Variants in ZNF33B observed in about 807,000 individuals in gnomAD.
ZNF33B encodes the protein zinc finger protein 33B.
In ZNF33B, 29 loss-of-function variants were observed where a neutral mutation model predicts 45.8. That is an observed-to-expected ratio of 0.63 (90% CI 0.47 to 0.86). ZNF33B has a LOEUF of 0.86. ZNF33B is among the 40% of genes least tolerant of loss of function. The pLI, the probability that ZNF33B is intolerant of heterozygous loss-of-function variation, is 0.00. For synonymous variants in ZNF33B, 305 were observed against 307.8 expected (o/e 0.99, Z 0.10); for missense variants, 831 against 909.9 (o/e 0.91, Z 1.12).
intron 4 of ZNF33B, 139 bp from the exon 5 acceptor site, chr10:42,594,838 C>A (rs1837330450): frequency 2.0e-6 from 2 of 1,002,470 alleles, no homozygotes. Context: ...ATTGCAAGTG[C>A]ATATTTTTTT....
chr10:42,598,805 GT>G lies in ZNF33B; in HGVS notation c.251-4107del, dbSNP rs375114047. ...ATACCACTGGTTTCTAATCACTAGT[GT>G]TTTTGAATTTATGTTCATGAAGGAC... On this transcript the variant is annotated intron_variant, in intron 4 of 4. Transcript: ENST00000359467. Among the ~76,000 whole-genome samples the G allele has an allele frequency of 2.3e-4, 35 of 152,282 alleles. 1 individual carries two copies. The highest frequency in any genetic ancestry group is 8.4e-4 in the African/African-American group (35 of 41,568).
At position 42,593,522 on chromosome 10, in the gene ZNF33B, T is replaced by C. The variant is rs754210026; in HGVS notation, c.1428A>G (p.Lys476=). 3 of 1,613,936 alleles carry C rather than the reference T, an allele frequency of 1.9e-6. No individual in the cohort carries two copies. The highest frequency in any genetic ancestry group is 1.7e-5 in the Admixed American group (1 of 59,994). The change falls in exon 5 of 5, where the codon AAA becomes AAG. Residue 476 remains lysine, a synonymous_variant. Transcript: ENST00000359467. ...TAAGATGTGACTTTTGACAAAAGGA[T>C]TTCCCACACTCAAGACATTCAAAAG... is the stretch of plus-strand genomic sequence containing the variant. ...EKPFECLECG[K]SFCQKSHLTQ...
At chr10:42,607,302 G>A (rs544612688) in intron 4 of ZNF33B, among the ~76,000 whole-genome samples, 6 of 139,274 alleles carry the variant, frequency 4.3e-5, no homozygotes, top group Non-Finnish European at 9.1e-5. Flanking sequence ...AAATTAAAAC[G>A]TTATACTAAA....
At position 42,611,312 on chromosome 10, in the gene ZNF33B, G is replaced by A. The variant is rs190529908; in HGVS notation, c.251-16613C>T. Among the ~76,000 whole-genome samples the A allele has an allele frequency of 1.5e-4, 23 of 152,126 alleles. No homozygotes were observed. The East Asian group carries it at 3.7e-3, about 24-fold the overall frequency. On this transcript the variant is annotated intron_variant, in intron 4 of 4. Coordinates refer to ENST00000359467, the MANE Select transcript of ZNF33B (RefSeq NM_006955.3). Reference sequence around the variant, plus strand: ...GCCAAGATCATGCCACTGCACTCCAGCCTGGGTGACGGAGTGAGACTCCGT... The same window carrying A: ...GCCAAGATCATGCCACTGCACTCCAACCTGGGTGACGGAGTGAGACTCCGT...
Position 42,590,047 on chromosome 10 carries a change from T to C in ZNF33B, c.*2566A>G, listed in dbSNP as rs572143163. 2.0e-5 allele frequency: 3 copies of C among 152,362 alleles called. No individual in the cohort carries two copies. The South Asian group carries it at 6.2e-4, about 32-fold the overall frequency. The allele number at this position is 152,362 out of a possible 1,614,324, so 9.4% of individuals were successfully genotyped here. ...AATGCTTTTTCTGTACCTATTGATA[T>C]GATCATATTTAATCTTTGAACTGCT... On this transcript the variant is annotated 3_prime_UTR_variant, in exon 5 of 5. Coordinates refer to ENST00000359467, the MANE Select transcript of ZNF33B (RefSeq NM_006955.3).
intron 1 of ZNF33B, among the ~76,000 whole-genome samples, chr10:42,584,066 C>A (rs1396786828): frequency 6.6e-6 from 1 of 152,204 alleles, no homozygotes; most frequent in East Asian, 1.9e-4. Flanking sequence ...TCTGTACCAG[C>A]CCTTCCTCCA....
chr10:42,583,620 A>G lies in ZNF33B; in HGVS notation c.74-8942T>C, dbSNP rs74137904. ...CCAGTATAGACCTTGCCCCTCAACT[A>G]ACCCCCAGGTGTGATAATCTAATAG... On this transcript the variant is annotated intron_variant, in intron 1 of 1. Transcript: ENST00000462075. 4.3e-3 allele frequency among the ~76,000 whole-genome samples: 653 copies of G among 152,122 alleles called. 3 individuals are homozygous for G. Among genetic ancestry groups the G allele is most frequent in the African/African-American group, 0.015 (632 of 41,482 alleles).
chr10:42,601,465 CTTGT>C (rs1837613544), intron 4 of ZNF33B, among the ~76,000 whole-genome samples: 4 of 135,446 alleles, frequency 3.0e-5, no homozygotes, highest in Non-Finnish European at 3.1e-5. Context: ...CTCACATGGG[CTTGT>C]TTTTTTTTTT....
Position 42,632,831 on chromosome 10 carries a change from T to C in ZNF33B, c.10-392A>G, listed in dbSNP as rs1189859096. 9 of 233,682 alleles carry C rather than the reference T, an allele frequency of 3.9e-5. No individual in the cohort carries two copies. The East Asian group carries it at 9.1e-4, about 24-fold the overall frequency. The allele number at this position is 233,682 out of a possible 1,614,324, so 14.5% of individuals were successfully genotyped here. A position where few individuals can be genotyped will look rare whatever the true frequency, so the allele number is the denominator to read the frequency against. On this transcript the variant is annotated intron_variant, in intron 2 of 4. Transcript: ENST00000359467. ...GGAAGTATAGCTGTTGGTTGAATTA[T>C]GAAGAACACTCTATTACGTCCTTCA...
At chr10:42,601,676 G>A (rs761357775) in intron 4 of ZNF33B, among the ~76,000 whole-genome samples, 4 of 151,418 alleles carry the variant, frequency 2.6e-5, no homozygotes, top group African/African-American at 4.9e-5. Flanking sequence ...GTTTTGCCAC[G>A]TTCGCCAAGA....
intron 1 of ZNF33B, among the ~76,000 whole-genome samples, chr10:42,580,705 G>A (rs2132013448): frequency 6.6e-6 from 1 of 150,544 alleles, no homozygotes; most frequent in Admixed American, 6.7e-5. Context: ...TGGATCATGA[G>A]GCCAGGAGTT....
chr10:42,621,125 C>A (rs574267428), intron 4 of ZNF33B, among the ~76,000 whole-genome samples: 1 of 146,116 alleles, frequency 6.8e-6, no homozygotes, highest in African/African-American at 2.5e-5. Flanking sequence ...AGTCCAAGAC[C>A]AGCATGAGCA....
intron 1 of ZNF33B, among the ~76,000 whole-genome samples, chr10:42,583,776 C>T (rs993021335): frequency 6.6e-6 from 1 of 152,148 alleles, no homozygotes; most frequent in African/African-American, 2.4e-5. Context: ...ACAGAATCAC[C>T]GAGATAAAGC....
At chr10:42,616,353 T>C (rs186810134) in intron 4 of ZNF33B, among the ~76,000 whole-genome samples, 11 of 152,290 alleles carry the variant, frequency 7.2e-5, no homozygotes, top group Non-Finnish European at 1.3e-4. Context: ...CTCATATAAT[T>C]CTCCAGAAAA....
chr10:42,609,633 ATG>A (rs1278619544), intron 4 of ZNF33B, among the ~76,000 whole-genome samples: 1 of 152,184 alleles, frequency 6.6e-6, no homozygotes, highest in Non-Finnish European at 1.5e-5. Context: ...CTACAAATGC[ATG>A]TGTCATGATT....
chr10:42,586,287 C>G (rs928161787), downstream of ZNF33B, among the ~76,000 whole-genome samples: 2 of 150,810 alleles, frequency 1.3e-5, no homozygotes, highest in Non-Finnish European at 2.9e-5. Flanking sequence ...CCGAGTAGCT[C>G]GGGCTACAGG....
At chr10:42,603,206 C>A (rs1837697628) in intron 4 of ZNF33B, among the ~76,000 whole-genome samples, 1 of 152,164 alleles carries the variant, frequency 6.6e-6, no homozygotes, top group African/African-American at 2.4e-5. Flanking sequence ...ACTGCTGTAG[C>A]CTCCAGATCC....
chr10:42,608,185 G>C (rs1440095987), intron 4 of ZNF33B, among the ~76,000 whole-genome samples: 1 of 152,090 alleles, frequency 6.6e-6, no homozygotes, highest in Non-Finnish European at 1.5e-5. Flanking sequence ...ACTACTAACA[G>C]AGCCTCAAAG....
intron 2 of ZNF33B, chr10:42,632,863 C>T (rs530929749): frequency 5.9e-5 from 11 of 185,084 alleles, no homozygotes; most frequent in East Asian, 1.8e-4. Flanking sequence ...TTCATAAGCA[C>T]GGGGCCATGA....
Sources: allele counts gnomAD v4.1 joint callset (sites outside exome capture counted in the v4.1 genomes callset), GRCh38; gene constraint gnomAD v4.1.1; transcripts MANE v1.5; gene names NCBI Gene and HGNC (gene_info 2026-07-23, HGNC 2026-07-21).